Variants in APOBEC3G observed in about 807,000 individuals in gnomAD.
APOBEC3G encodes apolipoprotein B mRNA editing enzyme catalytic subunit 3G, also known as DNA dC->dU-editing enzyme APOBEC-3G.
APOBEC3G carries 44 observed loss-of-function variants against 50.0 expected under a neutral mutation model. The observed-to-expected ratio is 0.88, with a 90% confidence interval of 0.69 to 1.13. APOBEC3G has a LOEUF of 1.13. Ranked by LOEUF, APOBEC3G falls within the 50% of genes most tolerant of loss-of-function variation. The pLI is 0.00. For synonymous variants in APOBEC3G, 156 were observed against 175.3 expected, an observed-to-expected ratio of 0.89 and a Z score of 0.87; for missense variants, 469 against 492.0, an observed-to-expected ratio of 0.95 and a Z score of 0.44.
At chr22:39,087,323 A>G in intron 7 of APOBEC3G, 84 bp from the exon 8 acceptor site, 2 of 1,605,434 alleles carry the variant, frequency 1.2e-6, no homozygotes, top group Non-Finnish European at 1.7e-6. Flanking sequence ...CTCTCCGATC[A>G]TTGTCACTGT....
At chr22:39,081,690 T>C in intron 4 of APOBEC3G, 105 bp downstream of exon 4, 2 of 901,572 alleles carry the variant, frequency 2.2e-6, no homozygotes, top group South Asian at 1.5e-5. Flanking sequence ...GGCCAGGCCC[T>C]CCTGCCTTCC....
At position 39,079,056 on chromosome 22, in the gene APOBEC3G, C is replaced by T. The variant is rs778787955; in HGVS notation, c.142C>T (p.Pro48Ser). ...EVKTKGPSRP[P>S]LDAKIFRGQV... The stretch of plus-strand genomic sequence containing the variant: ...GAAAACAAAGGGTCCCTCAAGGCCC[C>T]CTTTGGACGCAAAGATCTTTCGAGG... Residue 48 changes from proline to serine, a missense_variant, in exon 2 of 8, where the codon CCT (proline) becomes TCT (serine). Coordinates refer to ENST00000407997, the MANE Select transcript of APOBEC3G (RefSeq NM_021822.4). 3.7e-6 allele frequency: 6 copies of T among 1,614,066 alleles called. No homozygotes were observed. Among genetic ancestry groups the T allele is most frequent in the Middle Eastern group, 1.6e-4 (1 of 6,082 alleles).
In APOBEC3G at chr22:39,087,065, C is replaced by G. The variant is rs1244751087; in HGVS notation, c.1079C>G (p.Pro360Arg). ...GACCACCAGGGATGTCCCTTCCAGC[C>G]CTGGGATGGACTAGATGAGCACAGC... is the stretch of plus-strand genomic sequence containing the variant. ...FVDHQGCPFQ[P>R]WDGLDEHSQD... The change falls in exon 7 of 8, where the codon CCC becomes CGC. Residue 360 changes from proline to arginine, a missense_variant. By Grantham distance (103) the Pro-to-Arg change is moderately radical. Coordinates refer to ENST00000407997, the MANE Select transcript of APOBEC3G (RefSeq NM_021822.4). 3 of 1,613,680 alleles carry G rather than the reference C, an allele frequency of 1.9e-6. No homozygotes were observed. The highest frequency in any genetic ancestry group is 2.5e-6 in the Non-Finnish European group (3 of 1,179,950).
intron 4 of APOBEC3G, 143 bp from the exon 5 acceptor site, chr22:39,083,588 C>A: frequency 1.0e-6 from 1 of 953,118 alleles, no homozygotes; most frequent in Non-Finnish European, 1.6e-6. Flanking sequence ...GAGTGGGAGC[C>A]CCTTCTGACA....
intron 6 of APOBEC3G, 124 bp from the exon 7 acceptor site, chr22:39,086,887 G>GGAGGGA (rs1475010178): frequency 8.4e-6 from 10 of 1,192,864 alleles, no homozygotes; most frequent in Non-Finnish European, 1.2e-5. Flanking sequence ...AGTCCCTAGG[G>GGAGGGA]GAGGGAGAGG....
At chr22:39,078,828 G>C in intron 1 of APOBEC3G, 104 bp from the exon 2 acceptor site, 3 of 1,467,992 alleles carry the variant, frequency 2.0e-6, no homozygotes, top group Non-Finnish European at 2.7e-6. Context: ...GGGAGGGATG[G>C]GGGAGGCCTA....
intron 7 of APOBEC3G, 62 bp from the exon 8 acceptor site, chr22:39,087,345 C>T: frequency 6.2e-7 from 1 of 1,612,458 alleles, no homozygotes; most frequent in Non-Finnish European, 8.5e-7. Flanking sequence ...CCCAGGCCTC[C>T]ACCATATGCC....
intron 5 of APOBEC3G, among the ~76,000 whole-genome samples, chr22:39,084,143 G>C (rs963544444): frequency 6.6e-6 from 1 of 152,148 alleles, no homozygotes; most frequent in Non-Finnish European, 1.5e-5. Context: ...TCACCCCCAG[G>C]TCCAGGTCTC....
chr22:39,086,675 T>C (rs550655085), intron 6 of APOBEC3G, 108 bp downstream of exon 6: 1 of 1,429,380 alleles, frequency 7.0e-7, no homozygotes, highest in South Asian at 1.4e-5. Context: ...AAGGCCTTGA[T>C]CCTCTGCCTG....
intron 5 of APOBEC3G, among the ~76,000 whole-genome samples, chr22:39,085,097 C>A (rs1928635662): frequency 6.6e-6 from 1 of 152,176 alleles, no homozygotes. Context: ...TCCATTCTAC[C>A]CCGAGTCCTC....
intron 6 of APOBEC3G, 30 bp downstream of exon 6, chr22:39,086,597 G>A: frequency 1.3e-6 from 2 of 1,565,502 alleles, no homozygotes; most frequent in Non-Finnish European, 1.7e-6. Flanking sequence ...GTAGGATGGG[G>A]TCAGCCAGGG....
At chr22:39,077,136 A>G (rs1928185877), upstream of APOBEC3G, 2 of 644,214 alleles carry the variant, frequency 3.1e-6, no homozygotes, top group Non-Finnish European at 5.3e-6. Context: ...TCCCTCTGCC[A>G]GGGGGAGGGC....
chr22:39,080,322 A>G (rs945006750), intron 2 of APOBEC3G: 20 of 393,304 alleles, frequency 5.1e-5, no homozygotes, highest in African/African-American at 3.9e-4. Context: ...AAAACTTCCA[A>G]ACTCAGGGAA....
chr22:39,079,468 C>T lies in APOBEC3G; in HGVS notation c.171+383C>T, dbSNP rs111784544. ...AAGTAGCTGCGATTACAGGTGCCCACCACCACGCCCAGCTGATTTTTTTTT... is the reference window on the plus strand; with the variant it reads ...AAGTAGCTGCGATTACAGGTGCCCATCACCACGCCCAGCTGATTTTTTTTT... On this transcript the variant is annotated intron_variant, in intron 2 of 7. Transcript: ENST00000407997. 108 of 177,394 alleles carry T rather than the reference C, an allele frequency of 6.1e-4. 1 individual carries two copies. The highest frequency in any genetic ancestry group is 2.3e-3 in the African/African-American group (96 of 41,980). The allele number at this position is 177,394 out of a possible 1,614,324, so 11.0% of individuals were successfully genotyped here. A position where few individuals can be genotyped will look rare whatever the true frequency, so the allele number is the denominator to read the frequency against.
At position 39,086,576 on chromosome 22, in the gene APOBEC3G, G is replaced by A. The variant is rs546381147; in HGVS notation, c.1024+9G>A. On this transcript the variant is annotated intron_variant, in intron 6 of 7. Transcript: ENST00000407997. ...AATAATGACATACAGTGGTGAGAAT[G>A]GAAGCCTGGAGTAGGATGGGGTCAG... 2.8e-5 allele frequency: 45 copies of A among 1,584,082 alleles called. 1 individual carries two copies. The South Asian group carries it at 4.7e-4, about 17-fold the overall frequency.
rs112657860 is a variant in APOBEC3G, at chr22:39,078,844, G to A, written c.18-88G>A. 1.6e-4 allele frequency: 256 copies of A among 1,557,560 alleles called. 2 individuals are homozygous for A. In the African/African-American group the frequency reaches 2.6e-3, roughly 16 times the overall value. On this transcript the variant is annotated intron_variant, in intron 1 of 7. Coordinates refer to ENST00000407997, the MANE Select transcript of APOBEC3G (RefSeq NM_021822.4). The stretch of plus-strand genomic sequence containing the variant: ...GGAGGGATGGGGGAGGCCTAGAGCC[G>A]TCCAGGGGGCTGTGTTTAGTGGACA...
chr22:39,086,727 C>T (rs548204843), intron 6 of APOBEC3G, among the ~76,000 whole-genome samples, 160 bp downstream of exon 6: 5 of 144,936 alleles, frequency 3.4e-5, no homozygotes, highest in South Asian at 2.5e-4. Context: ...TTGGGGTCGA[C>T]GGGAAGAGAG....
In APOBEC3G at chr22:39,081,545, T is replaced by G; in HGVS notation, c.541T>G (p.Tyr181Asp). 1 of 1,614,150 alleles carries G rather than the reference T, an allele frequency of 6.2e-7. No individual in the cohort carries two copies. The highest frequency in any genetic ancestry group is 8.5e-7 in the Non-Finnish European group (1 of 1,179,992). The change falls in exon 4 of 8, where the codon TAT (tyrosine) becomes GAT (aspartate). Residue 181 changes from tyrosine to aspartate, a missense_variant. Physicochemically the swap from Tyr to Asp is radical, Grantham distance 160. Transcript: ENST00000407997. ...TGAGCCTTGGAATAATCTGCCTAAATATTATATATTACTGCACATCATGCT... is the reference window on the plus strand; with the variant it reads ...TGAGCCTTGGAATAATCTGCCTAAAGATTATATATTACTGCACATCATGCT... Reference protein sequence around the residue: ...LFEPWNNLPKYYILLHIMLGE... With the variant: ...LFEPWNNLPKDYILLHIMLGE...
intron 3 of APOBEC3G, 69 bp from the exon 4 acceptor site, chr22:39,081,402 G>T: frequency 6.5e-7 from 1 of 1,548,474 alleles, no homozygotes. Context: ...ATGTCTGGGA[G>T]GGGAGGGTCC....
Sources: gnomAD v4.1 joint callset for allele counts (sites outside exome capture counted in the v4.1 genomes callset) on GRCh38, gnomAD v4.1.1 for gene constraint, MANE v1.5 for transcripts, NCBI Gene and HGNC (gene_info 2026-07-23, HGNC 2026-07-21) for gene names.